Variants in UTP20 observed in about 807,000 individuals in gnomAD.
The protein encoded by UTP20 is UTP20 small subunit processome component, also known as small subunit processome component 20 homolog.
Under a neutral mutation model 329.5 loss-of-function variants are expected in UTP20, and 164 were observed. The ratio of observed to expected loss-of-function variants is 0.50; its 90% CI spans 0.44 to 0.57. The LOEUF (loss-of-function observed/expected upper bound fraction) is 0.57, where lower values mean the gene tolerates loss of function less well. Among genes scored for constraint, UTP20 ranks in the 20% least tolerant of loss-of-function variants. UTP20 has a pLI of 0.00. For synonymous variants in UTP20, 1,151 were observed against 1,159.3 expected, an observed-to-expected ratio of 0.99 and a Z score of 0.14; for missense variants, 3,055 against 3,284.2, an observed-to-expected ratio of 0.93 and a Z score of 1.71.
intron 22 of UTP20, among the ~76,000 whole-genome samples, chr12:101,318,414 C>T (rs1593430782): frequency 6.6e-6 from 1 of 152,174 alleles, no homozygotes; most frequent in Admixed American, 6.5e-5. Context: ...ATTGAGTACC[C>T]TTTGCTAAGT....
chr12:101,373,069 C>T, intron 52 of UTP20, 106 bp downstream of exon 52: 2 of 923,390 alleles, frequency 2.2e-6, no homozygotes, highest in Non-Finnish European at 3.5e-6. Flanking sequence ...ATGGTACATT[C>T]TCTGAGCATA....
At chr12:101,342,873 A>T (rs754675529) in intron 34 of UTP20, 36 bp downstream of exon 34, 1 of 1,610,576 alleles carries the variant, frequency 6.2e-7, no homozygotes, top group Non-Finnish European at 8.5e-7. Context: ...CTTCAAAAGT[A>T]TTATCATTTT....
At chr12:101,290,097 GTTTGTGAA>G in intron 6 of UTP20, 32 bp from the exon 7 acceptor site, 1 of 1,425,230 alleles carries the variant, frequency 7.0e-7, no homozygotes, top group Non-Finnish European at 9.6e-7. Flanking sequence ...ATATGTTTAT[GTTTGTGAA>G]TATAATTTTC....
intron 12 of UTP20, 149 bp downstream of exon 12, chr12:101,295,807 A>G: frequency 3.5e-6 from 3 of 851,824 alleles, no homozygotes; most frequent in Non-Finnish European, 5.2e-6. Context: ...AGAGCTACAC[A>G]CATAGTACGT....
At position 101,307,445 on chromosome 12, in the gene UTP20, C is replaced by T. The variant is rs184737267; in HGVS notation, c.1995+684C>T. 3.5e-3 allele frequency among the ~76,000 whole-genome samples: 531 copies of T among 152,078 alleles called. 6 individuals are homozygous for T. Among genetic ancestry groups the T allele is most frequent in the South Asian group, 0.021 (100 of 4,808 alleles). ...AGACTGGAATGCAGTGGCGTGATTTCGGCTCACTGCAGTCTCCACCTCCCC... is the reference window on the plus strand; with the variant it reads ...AGACTGGAATGCAGTGGCGTGATTTTGGCTCACTGCAGTCTCCACCTCCCC... On this transcript the variant is annotated intron_variant, in intron 17 of 61. Transcript: ENST00000261637.
intron 49 of UTP20, 104 bp downstream of exon 49, chr12:101,369,995 C>A: frequency 8.5e-7 from 1 of 1,170,298 alleles, no homozygotes; most frequent in Non-Finnish European, 1.2e-6. Context: ...GGGAGGATTA[C>A]TTGAGCCTAA....
chr12:101,314,776 A>G (rs963557718), intron 21 of UTP20, among the ~76,000 whole-genome samples: 1 of 152,082 alleles, frequency 6.6e-6, no homozygotes, highest in Admixed American at 6.6e-5. Flanking sequence ...ATGCCGGGGC[A>G]GAGAGGGAGC....
intron 43 of UTP20, among the ~76,000 whole-genome samples, chr12:101,359,928 G>A (rs1469263339): frequency 6.6e-6 from 1 of 152,084 alleles, no homozygotes; most frequent in Non-Finnish European, 1.5e-5. Flanking sequence ...GCCCTTCCCC[G>A]TTTCAAGGCC....
Position 101,311,762 on chromosome 12 carries a change from T to A in UTP20, c.2275T>A (p.Tyr759Asn). 1 of 1,613,526 alleles carries A rather than the reference T, an allele frequency of 6.2e-7. No homozygotes were observed. The highest frequency in any genetic ancestry group is 1.3e-5 in the African/African-American group (1 of 75,018). The change falls in exon 20 of 62, where the codon TAC becomes AAC. Residue 759 changes from tyrosine (Y) to asparagine (N), a missense_variant. Physicochemically the swap from Tyr to Asn is moderately radical, Grantham distance 143. This residue lies in a region of UTP20 where 2,445 missense variants were observed against 2,575.5 expected (regional missense o/e 0.95). Coordinates refer to ENST00000261637, the MANE Select transcript of UTP20 (RefSeq NM_014503.3). ...GGAAAATAAGCAATTTTGGAAAGTC[T>A]ACTATGAGCATCTAGAAAAAGCAGC... The part of the protein sequence containing the change: ...EMENKQFWKV[Y>N]YEHLEKAATH...
At position 101,369,868 on chromosome 12, in the gene UTP20, CA is replaced by C. The variant is rs771321656; in HGVS notation, c.6533del (p.His2178ProfsTer10). 1 of 1,613,876 alleles carries C rather than the reference CA, an allele frequency of 6.2e-7. No homozygotes were observed. Among genetic ancestry groups the C allele is most frequent in the Non-Finnish European group, 8.5e-7 (1 of 1,179,892 alleles). ...KLGAARGQNFHLVVNCFKCVT... is the reference protein window; with the variant it reads ...KLGAARGQNFXLVVNCFKCVT... Reference sequence around the variant, plus strand: ...CGGGGCCGCCAGGGGCCAGAACTTCCACCTTGTGGTCAATTGTTTCAAGGTG... The same window carrying C: ...CGGGGCCGCCAGGGGCCAGAACTTCCCCTTGTGGTCAATTGTTTCAAGGTG... On this transcript the variant is annotated frameshift_variant, in exon 49 of 62. Coordinates refer to ENST00000261637, the MANE Select transcript of UTP20 (RefSeq NM_014503.3). LOFTEE classifies it high-confidence loss of function.
At chr12:101,283,498 A>G (rs1418010948) in intron 2 of UTP20, among the ~76,000 whole-genome samples, 1 of 152,192 alleles carries the variant, frequency 6.6e-6, no homozygotes, top group Non-Finnish European at 1.5e-5. Flanking sequence ...AAGGGTGAGG[A>G]AACAGACTCC....
At chr12:101,338,374 G>C (rs1869006559) in intron 30 of UTP20, 97 bp downstream of exon 30, 1 of 1,229,300 alleles carries the variant, frequency 8.1e-7, no homozygotes, top group Admixed American at 1.9e-5. Flanking sequence ...ACTCACTCGA[G>C]AGCATATGCT....
rs1231649849 is a variant in UTP20, at chr12:101,292,078, A to C, written c.1147A>C (p.Thr383Pro). 3 of 1,613,052 alleles carry C rather than the reference A, an allele frequency of 1.9e-6. No homozygotes were observed. In the African/African-American group the frequency reaches 4.0e-5, roughly 22 times the overall value. ...ILGENVSLPETLIKETIEKIF... is the reference protein window; with the variant it reads ...ILGENVSLPEPLIKETIEKIF... ...GGGTGAAAATGTTTCCTTGCCGGAG[A>C]CCCTCATCAAAGAAACCATAGAAAA... is the stretch of plus-strand genomic sequence containing the variant. The change falls in exon 10 of 62, where the codon ACC becomes CCC. Residue 383 changes from threonine (T) to proline (P), a missense_variant. By Grantham distance (38) the Thr-to-Pro change is conservative. Around this residue, in one of 3 missense-constraint regions of UTP20, gnomAD observed 2,445 missense variants for 2,575.5 expected, o/e 0.95. Coordinates refer to ENST00000261637, the MANE Select transcript of UTP20 (RefSeq NM_014503.3).
intron 54 of UTP20, 115 bp from the exon 55 acceptor site, chr12:101,374,693 G>T: frequency 1.6e-6 from 1 of 640,844 alleles, no homozygotes; most frequent in South Asian, 2.8e-5. Context: ...GCATCAGAAA[G>T]AAATGTTTAT....
chr12:101,373,061 G>T, intron 52 of UTP20, 98 bp downstream of exon 52: 2 of 999,794 alleles, frequency 2.0e-6, no homozygotes, highest in Non-Finnish European at 3.1e-6. Context: ...TAAGTATAAT[G>T]GTACATTCTC....
At chr12:101,349,419 T>G (rs1203640736) in intron 38 of UTP20, among the ~76,000 whole-genome samples, 1 of 135,586 alleles carries the variant, frequency 7.4e-6, no homozygotes. Context: ...TTTTTCTTTC[T>G]TTTTTTTTTT....
At chr12:101,304,358 A>T (rs888314608) in intron 15 of UTP20, among the ~76,000 whole-genome samples, 4 of 152,232 alleles carry the variant, frequency 2.6e-5, no homozygotes, top group African/African-American at 7.2e-5. Flanking sequence ...AAGGAATAGA[A>T]ATCTCACCTT....
At chr12:101,283,752 G>A (rs1290351444) in intron 2 of UTP20, among the ~76,000 whole-genome samples, 1 of 152,118 alleles carries the variant, frequency 6.6e-6, no homozygotes, top group East Asian at 1.9e-4. Flanking sequence ...ATCTCGTGTT[G>A]TTGCCTAGGC....
rs1869966906 is a variant in UTP20 at position 101,362,661 on chromosome 12, G to A, written c.5790+601G>A. 2.3e-5 allele frequency among the ~76,000 whole-genome samples: 3 copies of A among 132,972 alleles called. No individual in the cohort carries two copies. In the South Asian group the frequency reaches 6.7e-4, roughly 30 times the overall value. The allele number at this position is 132,972 out of a possible 152,430, so 87.2% of individuals were successfully genotyped here. ...GGAGGTTGCAGTGAGCGCAGACCGC[G>A]CCACTGCACTTCAGCCTGGGCGACA... On this transcript the variant is annotated intron_variant, in intron 44 of 61. Coordinates refer to ENST00000261637, the MANE Select transcript of UTP20 (RefSeq NM_014503.3).
Sources: allele counts gnomAD v4.1 joint callset (sites outside exome capture counted in the v4.1 genomes callset), GRCh38; gene constraint gnomAD v4.1.1; regional missense constraint gnomAD v4.1.1; transcripts MANE v1.5; gene names NCBI Gene and HGNC (gene_info 2026-07-23, HGNC 2026-07-21).